Variants in SPATA16 observed in about 807,000 individuals in gnomAD.
SPATA16 encodes spermatogenesis associated 16, also known as spermatogenesis-associated protein 16.
A neutral mutation model predicts 63.3 loss-of-function variants in SPATA16; 36 were observed. That is an observed-to-expected ratio of 0.57 (90% confidence interval 0.44 to 0.75). SPATA16 has a LOEUF of 0.75. Ranked by LOEUF, SPATA16 falls within the 30% of genes least tolerant of loss-of-function variation. The probability of loss-of-function intolerance (pLI) is 0.00; values close to 1 mark genes in which losing one functional copy is unlikely to be tolerated. For synonymous variants in SPATA16, 203 were observed against 216.7 expected, an observed-to-expected ratio of 0.94 and a Z score of 0.56; for missense variants, 646 against 679.3, an observed-to-expected ratio of 0.95 and a Z score of 0.54.
chr3:172,977,698 AAC>A (rs546498049), intron 4 of SPATA16, among the ~76,000 whole-genome samples: 3 of 152,106 alleles, frequency 2.0e-5, no homozygotes, highest in Admixed American at 6.5e-5. Flanking sequence ...CCTTTGGAAA[AAC>A]AGTTTACTTT....
intron 1 of SPATA16, among the ~76,000 whole-genome samples, chr3:173,137,035 C>T (rs75483387): frequency 0.012 from 1,797 of 152,338 alleles, 40 homozygotes; most frequent in African/African-American, 0.041. Context: ...TAATCCCTCT[C>T]TACATTCCCA....
intron 2 of SPATA16, among the ~76,000 whole-genome samples, chr3:173,083,913 A>C (rs1267618164): frequency 1.3e-5 from 2 of 152,140 alleles, no homozygotes; most frequent in Non-Finnish European, 2.9e-5. Context: ...GATTGATTCC[A>C]TGTCTTTGCT....
intron 2 of SPATA16, among the ~76,000 whole-genome samples, chr3:173,105,284 T>TAG (rs1426200640): frequency 3.9e-5 from 6 of 152,306 alleles, no homozygotes; most frequent in Middle Eastern, 3.4e-3. Context: ...CTTGTTAAAC[T>TAG]AGAGGGTGTT....
chr3:172,913,307 A>G (rs1732411171), intron 10 of SPATA16, among the ~76,000 whole-genome samples: 1 of 152,348 alleles, frequency 6.6e-6, no homozygotes, highest in South Asian at 2.1e-4. Flanking sequence ...TCAAGTGAAA[A>G]AAGTGGAAAT....
At chr3:173,010,761 G>A (rs192552331) in intron 4 of SPATA16, among the ~76,000 whole-genome samples, 1 of 151,870 alleles carries the variant, frequency 6.6e-6, no homozygotes. Context: ...TCCGAAAATC[G>A]TACCCCACAG....
chr3:173,085,664 G>A lies in SPATA16; in HGVS notation c.612+31456C>T, dbSNP rs144762448. Among the ~76,000 whole-genome samples, 300 of 152,090 alleles carry A rather than the reference G, an allele frequency of 2.0e-3. 2 individuals are homozygous for A. The East Asian group carries it at 0.022, about 11-fold the overall frequency. On this transcript the variant is annotated intron_variant, in intron 2 of 10. Transcript: ENST00000351008. ...ATTTGCTGTAAGTTTGTCAAAAATG[G>A]CTCTTATTATTTGAGGTATGTTCCT...
At chr3:173,104,855 G>T (rs1161618922) in intron 2 of SPATA16, among the ~76,000 whole-genome samples, 3 of 152,050 alleles carry the variant, frequency 2.0e-5, no homozygotes, top group Non-Finnish European at 4.4e-5. Context: ...TAATGGCCAG[G>T]GTTCATATTC....
chr3:172,911,274 C>T (rs530444849), intron 10 of SPATA16, among the ~76,000 whole-genome samples: 10 of 152,254 alleles, frequency 6.6e-5, no homozygotes, highest in East Asian at 3.9e-4. Context: ...GGGTCAGTGG[C>T]CCCTTCTTGG....
chr3:173,015,787 C>G (rs1455566470), intron 4 of SPATA16, among the ~76,000 whole-genome samples: 1 of 152,096 alleles, frequency 6.6e-6, no homozygotes. Flanking sequence ...TAGCAGTCTT[C>G]ACAAAACAGT....
At chr3:172,987,466 C>T (rs1045944410) in intron 4 of SPATA16, among the ~76,000 whole-genome samples, 1 of 152,186 alleles carries the variant, frequency 6.6e-6, no homozygotes, top group African/African-American at 2.4e-5. Flanking sequence ...TGGAACATTT[C>T]CCTACCAGCA....
chr3:173,135,503 A>C (rs924918183), intron 1 of SPATA16, among the ~76,000 whole-genome samples: 1 of 152,204 alleles, frequency 6.6e-6, no homozygotes, highest in Non-Finnish European at 1.5e-5. Context: ...ACAACAACGT[A>C]ATAACATAAT....
chr3:172,913,766 T>G (rs1035274888), intron 9 of SPATA16, 22 bp from the exon 10 acceptor site: 1 of 1,605,620 alleles, frequency 6.2e-7, no homozygotes, highest in Non-Finnish European at 8.5e-7. Context: ...AGATAAAAAT[T>G]ATCAGTGTGG....
At chr3:173,134,736 A>G (rs1738493216) in intron 1 of SPATA16, among the ~76,000 whole-genome samples, 1 of 152,234 alleles carries the variant, frequency 6.6e-6, no homozygotes, top group African/African-American at 2.4e-5. Flanking sequence ...AACAGAAAAC[A>G]GAATAAGTCA....
intron 2 of SPATA16, among the ~76,000 whole-genome samples, chr3:173,056,750 T>G (rs1736239442): frequency 6.7e-6 from 1 of 148,474 alleles, no homozygotes; most frequent in South Asian, 2.1e-4. Context: ...TGAGTATACA[T>G]TTTTTGGGAC....
At chr3:173,042,039 T>C (rs1476128575) in intron 3 of SPATA16, among the ~76,000 whole-genome samples, 1 of 152,196 alleles carries the variant, frequency 6.6e-6, no homozygotes, top group Non-Finnish European at 1.5e-5. Context: ...ATTACTTCTA[T>C]TATGAATCAA....
intron 2 of SPATA16, among the ~76,000 whole-genome samples, chr3:173,078,387 TAA>T (rs1736852546): frequency 6.6e-6 from 1 of 152,170 alleles, no homozygotes; most frequent in South Asian, 2.1e-4. Context: ...ATGGCAATGT[TAA>T]GAGGACAAAT....
intron 6 of SPATA16, among the ~76,000 whole-genome samples, chr3:172,938,833 A>G (rs557107565): frequency 3.4e-5 from 1 of 29,834 alleles, no homozygotes; most frequent in African/African-American, 1.4e-4. Context: ...AGACCCCCCC[A>G]CCCCCCCGCA....
At chr3:173,002,805 T>C (rs1734855367) in intron 4 of SPATA16, among the ~76,000 whole-genome samples, 1 of 152,114 alleles carries the variant, frequency 6.6e-6, no homozygotes, top group Non-Finnish European at 1.5e-5. Context: ...ATATTGAAGA[T>C]CAGTAGCAAA....
At chr3:173,061,439 A>G (rs370614735) in intron 2 of SPATA16, among the ~76,000 whole-genome samples, 5 of 152,186 alleles carry the variant, frequency 3.3e-5, no homozygotes, top group African/African-American at 1.2e-4. Context: ...TGCTTCATAG[A>G]TTTTCATAGT....
Sources: gnomAD v4.1 joint callset for allele counts (sites outside exome capture counted in the v4.1 genomes callset) on GRCh38, gnomAD v4.1.1 for gene constraint, MANE v1.5 for transcripts, NCBI Gene and HGNC (gene_info 2026-07-23, HGNC 2026-07-21) for gene names.